SETD1B: variants seen among roughly 807,000 people sequenced by gnomAD.
SETD1B encodes SET domain containing 1B, histone lysine methyltransferase.
A neutral mutation model predicts 148.0 loss-of-function variants in SETD1B; 7 were observed. The ratio of observed to expected loss-of-function variants is 0.05; its 90% CI spans 0.03 to 0.09. SETD1B has a LOEUF of 0.09. Ranked by LOEUF, SETD1B falls within the 10% of genes least tolerant of loss-of-function variation. The pLI, the probability that SETD1B is intolerant of heterozygous loss-of-function variation, is 1.00. For missense variants in SETD1B, 2,155 were observed against 2,729.9 expected, an observed-to-expected ratio of 0.79 and a Z score of 4.69; for synonymous variants, 1,361 against 1,186.5, an observed-to-expected ratio of 1.15 and a Z score of -3.02.
intron 5 of SETD1B, among the ~76,000 whole-genome samples, chr12:121,809,204 G>A (rs1177894819): frequency 6.6e-6 from 1 of 152,130 alleles, no homozygotes; most frequent in African/African-American, 2.4e-5. Flanking sequence ...CTAAAGCACT[G>A]GGTGACTAGG....
At position 121,805,252 on chromosome 12, in the gene SETD1B, C is replaced by A; in HGVS notation, c.273+36C>A. On this transcript the variant is annotated intron_variant, in intron 3 of 16. Transcript: ENST00000604567. The surrounding 1 kb of genome is among the most constrained non-coding windows in gnomAD (Gnocchi z 4.2). ...TCCCCACTGCCCCGCCGTCCCTCCC[C>A]CACCTCCCCGAGTTCGAAAATAACG... 6.7e-7 allele frequency: 1 copy of A among 1,482,616 alleles called. No homozygotes were observed. The highest frequency in any genetic ancestry group is 9.2e-7 in the Non-Finnish European group (1 of 1,087,010). 91.8% of individuals were successfully genotyped at this position (1,482,616 alleles called of 1,614,324 possible). A position where few individuals can be genotyped will look rare whatever the true frequency, so the allele number is the denominator to read the frequency against.
At chr12:121,797,001 C>T in the SETD1B span, among the ~76,000 whole-genome samples, 2 of 151,718 alleles carry the variant, frequency 1.3e-5, no homozygotes, top group Admixed American at 1.3e-4. Flanking sequence ...CACACCATTG[C>T]CTGGGCAACA....
In SETD1B at chr12:121,814,414, G is replaced by A. The variant is rs763944606; in HGVS notation, c.2199G>A (p.Pro733=). 2.4e-3 allele frequency: 3,300 copies of A among 1,388,390 alleles called. 5 individuals carry two copies. The highest frequency in any genetic ancestry group is 2.8e-3 in the Non-Finnish European group (2,933 of 1,059,408). The allele number at this position is 1,388,390 out of a possible 1,614,324, so 86.0% of individuals were successfully genotyped here. A position where few individuals can be genotyped will look rare whatever the true frequency, so the allele number is the denominator to read the frequency against. The change falls in exon 7 of 17, where the codon CCG becomes CCA. Residue 733 remains proline (P), a synonymous_variant. Coordinates refer to ENST00000604567, the MANE Select transcript of SETD1B (RefSeq NM_001353345.2). ...VTVPPPPLPA[P]PGVPPPPILP... is the part of the protein sequence containing the mutation. ...TGCCCCCACCACCCTTGCCAGCGCCGCCTGGAGTCCCGCCCCCACCCATCC... is the reference window on the plus strand; with the variant it reads ...TGCCCCCACCACCCTTGCCAGCGCCACCTGGAGTCCCGCCCCCACCCATCC...
intron 4 of SETD1B, among the ~76,000 whole-genome samples, chr12:121,806,652 C>T (rs1331356318): frequency 1.3e-5 from 2 of 152,178 alleles, no homozygotes; most frequent in African/African-American, 2.4e-5. Flanking sequence ...CTCGACAGAG[C>T]CGCCGGGGAA....
At chr12:121,809,406 T>C (rs566286632) in intron 5 of SETD1B, among the ~76,000 whole-genome samples, 197 bp from the exon 6 acceptor site, 1 of 152,340 alleles carries the variant, frequency 6.6e-6, no homozygotes, top group East Asian at 1.9e-4. Context: ...CTGAACATAT[T>C]TGGCTACCCC....
At chr12:121,802,769 CTG>C (rs1875452788), upstream of SETD1B, 1 of 152,234 alleles carries the variant, frequency 6.6e-6, no homozygotes, top group South Asian at 2.1e-4. Flanking sequence ...AGTCTTCCAA[CTG>C]TGAGTCCTTG....
At chr12:121,797,752 G>A in the SETD1B span, 2 of 369,568 alleles carry the variant, frequency 5.4e-6, no homozygotes, top group Admixed American at 6.7e-5. Context: ...CCCTCGGGCG[G>A]CAGAGGGTAA....
At position 121,832,627 on chromosome 12, in the gene SETD1B, A is replaced by G; in HGVS notation, c.*2388A>G. The G allele has an allele frequency of 3.7e-6, 1 of 267,610 alleles. No homozygotes were observed. The highest frequency in any genetic ancestry group is 7.2e-6 in the Non-Finnish European group (1 of 138,694). The allele number at this position is 267,610 out of a possible 1,614,324, so 16.6% of individuals were successfully genotyped here. On this transcript the variant is annotated 3_prime_UTR_variant, in exon 17 of 17. Coordinates refer to ENST00000604567, the MANE Select transcript of SETD1B (RefSeq NM_001353345.2). Reference sequence around the variant, plus strand: ...GTATTATAGTAACTTTTATAAAGCAAACCATAAATATACTGACTTTTCTTA... The same window carrying G: ...GTATTATAGTAACTTTTATAAAGCAGACCATAAATATACTGACTTTTCTTA...
the SETD1B span, among the ~76,000 whole-genome samples, chr12:121,792,257 G>C: frequency 6.6e-6 from 1 of 152,218 alleles, no homozygotes; most frequent in Admixed American, 6.5e-5. Flanking sequence ...CGGATGACGT[G>C]GTTCCCTGCA....
At position 121,817,831 on chromosome 12, in the gene SETD1B, C is replaced by G. The variant is rs1181196010; in HGVS notation, c.3345C>G (p.Asp1115Glu). The G allele has an allele frequency of 6.4e-7, 1 of 1,551,026 alleles. No individual in the cohort carries two copies. The highest frequency in any genetic ancestry group is 2.0e-5 in the Admixed American group (1 of 50,920). The part of the protein sequence containing the change: ...DDDDDDSDDR[D>E]ESENDDEDTA... ...ACGATGACGACAGTGATGACCGGGA[C>G]GAGTCTGAGAACGATGACGAGGACA... The change falls in exon 10 of 17, where the codon GAC (aspartate) becomes GAG (glutamate). Residue 1115 changes from aspartate (D) to glutamate (E), a missense_variant. Asp to Glu is a conservative substitution (Grantham distance 45). Transcript: ENST00000604567. The surrounding 1 kb of genome is among the most constrained non-coding windows in gnomAD (Gnocchi z 8.1).
rs934264789 is a variant in SETD1B, at chr12:121,810,335, C to T, written c.1390C>T (p.Leu464=). Residue 464 remains leucine (L), a synonymous_variant, in exon 6 of 17, where the codon CTG becomes TTG. Transcript: ENST00000604567. This position sits in a 1 kb window ranked among gnomAD's most constrained non-coding sequence, Gnocchi z 7.6. ...GCCCCCCGACACCAACAGCATGGAG[C>T]TGGGCGGCCGGCCCACCTTCGGCTG... ...PPPPDTNSME[L]GGRPTFGWSP... is the part of the protein sequence containing the mutation. The T allele has an allele frequency of 1.3e-6, 2 of 1,545,654 alleles. No homozygotes were observed. The highest frequency in any genetic ancestry group is 1.7e-6 in the Non-Finnish European group (2 of 1,146,660).
At position 121,814,617 on chromosome 12, in the gene SETD1B, C is replaced by A; in HGVS notation, c.2402C>A (p.Ala801Glu). The A allele has an allele frequency of 1.9e-6, 3 of 1,542,884 alleles. No individual in the cohort carries two copies. Among genetic ancestry groups the A allele is most frequent in the Non-Finnish European group, 2.6e-6 (3 of 1,142,356 alleles). Reference protein sequence around the residue: ...ACPYPPFMAAAAAAASAGLQF... With the variant: ...ACPYPPFMAAEAAAASAGLQF... ...CCCTACCCGCCCTTCATGGCCGCTG[C>A]GGCCGCCGCTGCCTCAGCTGGGCTC... Residue 801 changes from alanine (A) to glutamate (E), a missense_variant, in exon 7 of 17, where the codon GCG becomes GAG. Transcript: ENST00000604567.
At chr12:121,792,288 CAG>C in the SETD1B span, among the ~76,000 whole-genome samples, 2 of 152,350 alleles carry the variant, frequency 1.3e-5, no homozygotes, top group South Asian at 2.1e-4. Flanking sequence ...CACTGAGTCA[CAG>C]AGGTGGGGTG....
chr12:121,812,093 C>T (rs965019959), intron 6 of SETD1B, among the ~76,000 whole-genome samples: 3 of 151,646 alleles, frequency 2.0e-5, no homozygotes, highest in African/African-American at 7.2e-5. Flanking sequence ...ACTGCCCGGC[C>T]GCCAGCGCAG....
Position 121,814,532 on chromosome 12 carries a change from A to C in SETD1B, c.2317A>C (p.Met773Leu). 2.7e-6 allele frequency: 4 copies of C among 1,480,572 alleles called. No individual in the cohort carries two copies. The highest frequency in any genetic ancestry group is 2.7e-6 in the Non-Finnish European group (3 of 1,110,668). 91.7% of individuals were successfully genotyped at this position (1,480,572 alleles called of 1,614,324 possible). A position where few individuals can be genotyped will look rare whatever the true frequency, so the allele number is the denominator to read the frequency against. ...GGGTGGCCAGTGGGGCGGCATGCCC[A>C]TGTCCTTCCAGATGCAAACGCAGGT... ...VLGGQWGGMP[M>L]SFQMQTQVLS... The change falls in exon 7 of 17, where the codon ATG becomes CTG. Residue 773 changes from methionine (M) to leucine (L), a missense_variant. By Grantham distance (15) the Met-to-Leu change is conservative (BLOSUM62 2). Transcript: ENST00000604567.
In SETD1B at chr12:121,805,148, G is replaced by C. The variant is rs1362571981; in HGVS notation, c.205G>C (p.Glu69Gln). The C allele has an allele frequency of 6.4e-7, 1 of 1,551,556 alleles. No individual in the cohort carries two copies. The highest frequency in any genetic ancestry group is 8.7e-7 in the Non-Finnish European group (1 of 1,146,980). Residue 69 changes from glutamate (E) to glutamine (Q), a missense_variant, in exon 3 of 17, where the codon GAA (glutamate) becomes CAA (glutamine). Physicochemically the swap from Glu to Gln is conservative, Grantham distance 29. Coordinates refer to ENST00000604567, the MANE Select transcript of SETD1B (RefSeq NM_001353345.2). This position sits in a 1 kb window ranked among gnomAD's most constrained non-coding sequence, Gnocchi z 4.2. ...CAGCAACCGCCCGGTGGAAATTGTC[G>C]AAGATCCCCGGGTCGTCGGGATCTG... The part of the protein sequence containing the change: ...MSSNRPVEIV[E>Q]DPRVVGIWTK...
chr12:121,791,343 G>A, the SETD1B span, among the ~76,000 whole-genome samples: 1 of 152,156 alleles, frequency 6.6e-6, no homozygotes, highest in Non-Finnish European at 1.5e-5. Flanking sequence ...GCAGGCTGGT[G>A]GACATCATAT....
Position 121,804,757 on chromosome 12 carries a change from C to A in SETD1B, c.20C>A (p.Pro7His), listed in dbSNP as rs1052521826. 13 of 1,549,634 alleles carry A rather than the reference C, an allele frequency of 8.4e-6. No homozygotes were observed. Among genetic ancestry groups the A allele is most frequent in the East Asian group, 2.4e-5 (1 of 40,834 alleles). Residue 7 changes from proline (P) to histidine (H), a missense_variant, in exon 2 of 17, where the codon CCC becomes CAC. Pro to His is a moderately conservative substitution (Grantham distance 77). Coordinates refer to ENST00000604567, the MANE Select transcript of SETD1B (RefSeq NM_001353345.2). This position sits in a 1 kb window ranked among gnomAD's most constrained non-coding sequence, Gnocchi z 4.6. MENSHP[P>H]HHHHQQPPPQ... ...AACGGCATGGAGAACAGTCACCCCCCCCACCACCACCACCAGCAGCCCCCG... is the reference window on the plus strand; with the variant it reads ...AACGGCATGGAGAACAGTCACCCCCACCACCACCACCACCAGCAGCCCCCG...
chr12:121,818,748 G>A (rs1876418694), intron 10 of SETD1B, among the ~76,000 whole-genome samples: 1 of 151,618 alleles, frequency 6.6e-6, no homozygotes, highest in African/African-American at 2.4e-5. Context: ...AAATTAGCCG[G>A]GCATGGTGGC....
Sources: allele counts gnomAD v4.1 joint callset (sites outside exome capture counted in the v4.1 genomes callset), GRCh38; gene constraint gnomAD v4.1.1; non-coding constraint Gnocchi (gnomAD v3.1); transcripts MANE v1.5; gene names NCBI Gene and HGNC (gene_info 2026-07-23, HGNC 2026-07-21).